The following TPGS2 variants were observed in gnomAD, a reference collection of about 807,000 sequenced individuals.
TPGS2 encodes polyglutamylase subunit 2.
A neutral mutation model predicts 31.1 loss-of-function variants in TPGS2; 26 were observed. The ratio of observed to expected loss-of-function variants is 0.84; its 90% CI spans 0.61 to 1.16. TPGS2 has a LOEUF of 1.16. Among genes scored for constraint, TPGS2 ranks in the 50% most tolerant of loss-of-function variants. TPGS2 has a pLI of 0.00. For missense variants in TPGS2, 351 were observed against 363.8 expected (o/e 0.96, Z 0.29); for synonymous variants, 130 against 136.6 (o/e 0.95, Z 0.34).
intron 3 of TPGS2, among the ~76,000 whole-genome samples, chr18:36,806,850 TAAA>T (rs397962723): frequency 1.3e-4 from 5 of 37,336 alleles, no homozygotes; most frequent in African/African-American, 7.5e-4. Context: ...GACTCCATCT[TAAA>T]AAAAAAAAAA....
chr18:36,782,313 G>C (rs541480169), downstream of TPGS2, among the ~76,000 whole-genome samples: 2 of 152,240 alleles, frequency 1.3e-5, no homozygotes, highest in South Asian at 4.1e-4. Flanking sequence ...AAGTAAAAAG[G>C]GTCTCTTTTA....
At chr18:36,823,967 A>G in intron 1 of TPGS2, 1 of 676,538 alleles carries the variant, frequency 1.5e-6, no homozygotes, top group Non-Finnish European at 1.8e-6. Context: ...ATAATTTATA[A>G]AGTGATTTTT....
intron 3 of TPGS2, among the ~76,000 whole-genome samples, chr18:36,807,324 A>G (rs2045202813): frequency 6.6e-6 from 1 of 152,214 alleles, no homozygotes; most frequent in Non-Finnish European, 1.5e-5. Flanking sequence ...TAGACAAAAG[A>G]TGGCAGCCTG....
At chr18:36,823,931 C>T (rs1159744428) in intron 1 of TPGS2, 1 of 877,794 alleles carries the variant, frequency 1.1e-6, no homozygotes, top group Non-Finnish European at 1.4e-6. Flanking sequence ...TTAAAAATAG[C>T]TTTACTGAGA....
chr18:36,827,505 G>A (rs1396877618), intron 1 of TPGS2, among the ~76,000 whole-genome samples: 2 of 152,222 alleles, frequency 1.3e-5, no homozygotes, highest in East Asian at 1.9e-4. Context: ...CGCTTAGTGT[G>A]TTTAAGGTAC....
intron 4 of TPGS2, among the ~76,000 whole-genome samples, chr18:36,801,568 T>C (rs2044818395): frequency 6.6e-6 from 1 of 152,174 alleles, no homozygotes; most frequent in Non-Finnish European, 1.5e-5. Flanking sequence ...TCCTGGGCTC[T>C]AGTGATCCTC....
chr18:36,820,066 T>A (rs2045829222), intron 1 of TPGS2, among the ~76,000 whole-genome samples: 1 of 152,206 alleles, frequency 6.6e-6, no homozygotes, highest in South Asian at 2.1e-4. Flanking sequence ...AGTGTCCTTT[T>A]TATGCATTAT....
At chr18:36,808,764 C>T (rs747265848) in intron 2 of TPGS2, among the ~76,000 whole-genome samples, 2 of 151,460 alleles carry the variant, frequency 1.3e-5, no homozygotes, top group Non-Finnish European at 3.0e-5. Context: ...TGAAATCATC[C>T]AAACCGTTGC....
intron 5 of TPGS2, 134 bp from the exon 6 acceptor site, chr18:36,798,743 C>T (rs2044656952): frequency 5.1e-6 from 7 of 1,365,676 alleles, no homozygotes; most frequent in Non-Finnish European, 6.8e-6. Flanking sequence ...AGTAAAAGTT[C>T]CCCTTCTGCC....
rs1326821252 is a variant in TPGS2 at position 36,797,067 on chromosome 18, G to A, written c.658-17C>T. Reference sequence around the variant, plus strand: ...GAACCATTGCTGTAAGGCAGAATTGGAAGACAAGGTCACAATTCAAAGGAA... The same window carrying A: ...GAACCATTGCTGTAAGGCAGAATTGAAAGACAAGGTCACAATTCAAAGGAA... On this transcript the variant is annotated splice_polypyrimidine_tract_variant and intron_variant, in intron 6 of 6. Coordinates refer to ENST00000334295, the MANE Select transcript of TPGS2 (RefSeq NM_015476.4). The A allele has an allele frequency of 6.3e-7, 1 of 1,595,152 alleles. No homozygotes were observed. Among genetic ancestry groups the A allele is most frequent in the Non-Finnish European group, 8.5e-7 (1 of 1,173,902 alleles).
In TPGS2 at chr18:36,828,973, C is replaced by G; in HGVS notation, c.-206G>C. The G allele has an allele frequency of 9.6e-7, 1 of 1,039,790 alleles. No individual in the cohort carries two copies. The highest frequency in any genetic ancestry group is 3.3e-5 in the Admixed American group (1 of 30,122). 64.4% of individuals were successfully genotyped at this position (1,039,790 alleles called of 1,614,324 possible). On this transcript the variant is annotated 5_prime_UTR_variant, in exon 1 of 7. Transcript: ENST00000334295. ...CGCGGCCCCGCCCGGTGCCCCACAC[C>G]GCACCTCCGGGACGTAGCTTCCCCT...
intron 4 of TPGS2, among the ~76,000 whole-genome samples, chr18:36,800,689 CTTTCT>C (rs2044763560): frequency 6.8e-6 from 1 of 147,174 alleles, no homozygotes; most frequent in South Asian, 2.2e-4. Flanking sequence ...CTGAATCTTT[CTTTCT>C]TTTTTTTTTT....
At chr18:36,805,288 G>T in intron 4 of TPGS2, 86 bp downstream of exon 4, 1 of 1,442,918 alleles carries the variant, frequency 6.9e-7, no homozygotes, top group Non-Finnish European at 9.6e-7. Context: ...ATTCATTCAT[G>T]CACCAAGATT....
intron 6 of TPGS2, 74 bp downstream of exon 6, chr18:36,798,374 AC>A: frequency 6.3e-7 from 1 of 1,596,774 alleles, no homozygotes; most frequent in Non-Finnish European, 8.6e-7. Context: ...GAAGTTGGGA[AC>A]CTGCAATGTA....
chr18:36,782,432 G>A (rs541216188), downstream of TPGS2, among the ~76,000 whole-genome samples: 25 of 152,284 alleles, frequency 1.6e-4, no homozygotes, highest in African/African-American at 6.0e-4. Flanking sequence ...AAGAACTACT[G>A]ATATTTCTGT....
chr18:36,798,060 C>T (rs373972124), intron 6 of TPGS2: 12 of 742,850 alleles, frequency 1.6e-5, no homozygotes, highest in Non-Finnish European at 1.9e-5. Context: ...TTGGGAAGGG[C>T]GTACAGGAAA....
intron 4 of TPGS2, among the ~76,000 whole-genome samples, chr18:36,801,105 T>C (rs949361815): frequency 2.6e-5 from 4 of 152,316 alleles, no homozygotes; most frequent in African/African-American, 9.6e-5. Context: ...CATTCCTCTA[T>C]GGATAGGCAT....
chr18:36,796,711 A>G lies in TPGS2; in HGVS notation c.*94T>C. ...TGGTCATTCAACTAGAAAGAGGCCT[A>G]CGGTCCACACGCAAAACTGGAGGTC... On this transcript the variant is annotated 3_prime_UTR_variant, in exon 7 of 7. Transcript: ENST00000334295. The G allele has an allele frequency of 6.0e-6, 9 of 1,500,344 alleles. No individual in the cohort carries two copies. The highest frequency in any genetic ancestry group is 7.9e-6 in the Non-Finnish European group (9 of 1,133,224). 92.9% of individuals were successfully genotyped at this position (1,500,344 alleles called of 1,614,324 possible). A position where few individuals can be genotyped will look rare whatever the true frequency, so the allele number is the denominator to read the frequency against.
At position 36,796,141 on chromosome 18, in the gene TPGS2, T is replaced by C; in HGVS notation, c.*664A>G. ...AGAGCGAGATATTTGTGGTAAGGGA[T>C]ACAAAGAACATACAATTGTGTACTT... On this transcript the variant is annotated 3_prime_UTR_variant, in exon 7 of 7. Transcript: ENST00000334295. The C allele has an allele frequency of 1.0e-6, 1 of 985,376 alleles. No individual in the cohort carries two copies. Among genetic ancestry groups the C allele is most frequent in the African/African-American group, 1.7e-5 (1 of 57,332 alleles). The allele number at this position is 985,376 out of a possible 1,614,324, so 61.0% of individuals were successfully genotyped here.
Sources: allele counts gnomAD v4.1 joint callset (sites outside exome capture counted in the v4.1 genomes callset), GRCh38; gene constraint gnomAD v4.1.1; transcripts MANE v1.5; gene names NCBI Gene and HGNC (gene_info 2026-07-23, HGNC 2026-07-21).